Variants in FBN1 observed in about 807,000 individuals in gnomAD.
FBN1 encodes fibrillin-1.
Under a neutral mutation model 365.1 loss-of-function variants are expected in FBN1, and 29 were observed. The observed-to-expected ratio is 0.08, with a 90% CI of 0.06 to 0.11. The LOEUF (loss-of-function observed/expected upper bound fraction) is 0.11, where lower values mean the gene tolerates loss of function less well. Ranked by LOEUF, FBN1 falls within the 10% of genes least tolerant of loss-of-function variation. The probability of loss-of-function intolerance (pLI) is 1.00; values close to 1 mark genes in which losing one functional copy is unlikely to be tolerated. For missense variants in FBN1, 2,476 were observed against 3,703.2 expected (o/e 0.67, Z 8.60); for synonymous variants, 1,210 against 1,270.5 (o/e 0.95, Z 1.01).
chr15:48,437,907 C>T lies in FBN1; in HGVS notation c.6174G>A (p.Met2058Ile). The change falls in exon 51 of 66, where the codon ATG becomes ATA. Residue 2058 changes from methionine to isoleucine, a missense_variant. Met to Ile is a conservative substitution (Grantham distance 10). This residue lies in a region of FBN1 where 1,780 missense variants were observed against 2,840.8 expected (regional missense o/e 0.63). Transcript: ENST00000316623. The part of the protein sequence containing the change: ...SSGRRCQDLR[M>I]SYCYAKFEGG... ...CTTCAAACTTCGCATAACAGTAGCT[C>T]ATTCGCAAATCTGCAGCATAAATTT... 6.2e-7 allele frequency: 1 copy of T among 1,613,744 alleles called. No individual in the cohort carries two copies. Among genetic ancestry groups the T allele is most frequent in the Non-Finnish European group, 8.5e-7 (1 of 1,179,760 alleles).
At position 48,463,247 on chromosome 15, in the gene FBN1, G is replaced by A. The variant is rs377369765; in HGVS notation, c.5066-7C>T. The A allele has an allele frequency of 4.3e-6, 7 of 1,613,260 alleles. No homozygotes were observed. Among genetic ancestry groups the A allele is most frequent in the South Asian group, 1.1e-5 (1 of 91,046 alleles). On this transcript the variant is annotated splice_polypyrimidine_tract_variant and splice_region_variant and intron_variant, in intron 41 of 65. Coordinates refer to ENST00000316623, the MANE Select transcript of FBN1 (RefSeq NM_000138.5). ...CACAAACTTCTTCTCATATCTAGAA[G>A]GGAGGTAAAAAAAAGGATTGGAGGG...
intron 63 of FBN1, among the ~76,000 whole-genome samples, chr15:48,418,877 A>T (rs2042919847): frequency 6.6e-6 from 1 of 152,222 alleles, no homozygotes; most frequent in Non-Finnish European, 1.5e-5. Flanking sequence ...AGGAAACTTC[A>T]CAAATGCAGG....
intron 6 of FBN1, among the ~76,000 whole-genome samples, chr15:48,538,644 G>T (rs1018097453): frequency 1.3e-5 from 2 of 151,798 alleles, no homozygotes; most frequent in African/African-American, 4.8e-5. Flanking sequence ...AAGACGTAGT[G>T]AGCACAGAGG....
intron 17 of FBN1, among the ~76,000 whole-genome samples, chr15:48,501,829 A>G (rs1323132892): frequency 1.3e-5 from 2 of 152,240 alleles, no homozygotes; most frequent in African/African-American, 4.8e-5. Context: ...GTAACACACA[A>G]AAGGATGATA....
intron 49 of FBN1, among the ~76,000 whole-genome samples, chr15:48,444,330 A>T (rs2043137690): frequency 6.6e-6 from 1 of 152,234 alleles, no homozygotes; most frequent in Non-Finnish European, 1.5e-5. Flanking sequence ...GATCAGTCAT[A>T]TGCACAGAAC....
At chr15:48,518,062 T>G (rs548061788) in intron 10 of FBN1, among the ~76,000 whole-genome samples, 1 of 152,210 alleles carries the variant, frequency 6.6e-6, no homozygotes, top group Non-Finnish European at 1.5e-5. Flanking sequence ...TTCAGATAAT[T>G]CTCTTACAGC....
chr15:48,412,843 T>C (rs777928774), intron 64 of FBN1, 100 bp from the exon 65 acceptor site: 9 of 1,400,212 alleles, frequency 6.4e-6, no homozygotes, highest in Non-Finnish European at 9.1e-6. Flanking sequence ...AGTTGTGAGA[T>C]ACAGCCCTTG....
chr15:48,434,923 A>G (rs759201170), intron 53 of FBN1, among the ~76,000 whole-genome samples: 3 of 152,114 alleles, frequency 2.0e-5, no homozygotes, highest in Non-Finnish European at 2.9e-5. Context: ...CAGCCTCCTG[A>G]GTAGCTGGAA....
intron 15 of FBN1, 105 bp downstream of exon 15, chr15:48,508,477 G>C (rs2141321306): frequency 6.7e-7 from 1 of 1,503,256 alleles, no homozygotes; most frequent in East Asian, 2.3e-5. Flanking sequence ...AAAATTCAAG[G>C]TACTTTAAGT....
chr15:48,483,043 A>G (rs1462665862), intron 31 of FBN1, among the ~76,000 whole-genome samples: 2 of 152,246 alleles, frequency 1.3e-5, no homozygotes, highest in Non-Finnish European at 2.9e-5. Context: ...CTAGGAATAC[A>G]AAAATATCTA....
chr15:48,476,573 C>T (rs1489119947), intron 32 of FBN1, among the ~76,000 whole-genome samples: 3 of 151,446 alleles, frequency 2.0e-5, no homozygotes, highest in African/African-American at 4.8e-5. Flanking sequence ...CCTTGGGCCA[C>T]AGCTGCCTAG....
At chr15:48,424,987 G>A (rs1044363095) in intron 60 of FBN1, among the ~76,000 whole-genome samples, 2 of 152,130 alleles carry the variant, frequency 1.3e-5, no homozygotes, top group Non-Finnish European at 2.9e-5. Context: ...ATTATTCCGA[G>A]GCAGGACCTT....
chr15:48,596,055 A>C (rs768187736), intron 6 of FBN1, among the ~76,000 whole-genome samples: 6 of 152,214 alleles, frequency 3.9e-5, no homozygotes, highest in Non-Finnish European at 5.9e-5. Flanking sequence ...CCAAATTAGC[A>C]AATAACTGAA....
chr15:48,515,198 C>A (rs1379877567), intron 12 of FBN1, among the ~76,000 whole-genome samples, 189 bp downstream of exon 12: 5 of 152,332 alleles, frequency 3.3e-5, no homozygotes, highest in African/African-American at 1.2e-4. Context: ...GCCCTCCCAA[C>A]ACCTGGATGT....
chr15:48,490,776 C>G (rs890385271), intron 24 of FBN1, among the ~76,000 whole-genome samples: 19 of 152,334 alleles, frequency 1.2e-4, no homozygotes, highest in Admixed American at 7.8e-4. Context: ...TGGTCCTCTT[C>G]TGTAACTCAG....
chr15:48,448,672 A>G, intron 46 of FBN1, 96 bp downstream of exon 46: 1 of 1,212,830 alleles, frequency 8.2e-7, no homozygotes, highest in Non-Finnish European at 1.2e-6. Flanking sequence ...TAGCAAAAAT[A>G]CTACTAAAAG....
intron 38 of FBN1, among the ~76,000 whole-genome samples, chr15:48,467,376 T>C (rs1448218451): frequency 2.6e-5 from 4 of 152,216 alleles, no homozygotes; most frequent in Non-Finnish European, 5.9e-5. Context: ...CCACTGAATT[T>C]TGCCAAAGAA....
Position 48,630,627 on chromosome 15 carries a change from T to G in FBN1, c.164+13979A>C, listed in dbSNP as rs571767550. ...AAGTTTATTTTATTTGAGGTTTATT[T>G]TTTTCCCAGGAAGTCGGTAGAGCAC... On this transcript the variant is annotated intron_variant, in intron 2 of 65. Coordinates refer to ENST00000316623, the MANE Select transcript of FBN1 (RefSeq NM_000138.5). Among the ~76,000 whole-genome samples, 66 of 152,068 alleles carry G rather than the reference T, an allele frequency of 4.3e-4. 2 individuals carry two copies. The East Asian group carries it at 0.012, about 29-fold the overall frequency.
At chr15:48,506,738 T>C (rs1357608981) in intron 15 of FBN1, among the ~76,000 whole-genome samples, 2 of 152,168 alleles carry the variant, frequency 1.3e-5, no homozygotes, top group African/African-American at 4.8e-5. Flanking sequence ...CAGAACTAAG[T>C]GCTCAGGGCT....
Sources: allele counts gnomAD v4.1 joint callset (sites outside exome capture counted in the v4.1 genomes callset), GRCh38; gene constraint gnomAD v4.1.1; regional missense constraint gnomAD v4.1.1; transcripts MANE v1.5; gene names NCBI Gene and HGNC (gene_info 2026-07-23, HGNC 2026-07-21).